Variants in PCDHGA9 observed in about 807,000 individuals in gnomAD.
PCDHGA9 encodes the protein protocadherin gamma subfamily A, 9.
Under a neutral mutation model 62.5 loss-of-function variants are expected in PCDHGA9, and 37 were observed. The ratio of observed to expected loss-of-function variants is 0.59; its 90% CI spans 0.46 to 0.78. PCDHGA9 has a LOEUF of 0.78. Ranked by LOEUF, PCDHGA9 falls within the 30% of genes least tolerant of loss-of-function variation. The pLI, the probability that PCDHGA9 is intolerant of heterozygous loss-of-function variation, is 0.00. For synonymous variants in PCDHGA9, 459 were observed against 484.6 expected, an observed-to-expected ratio of 0.95 and a Z score of 0.69; for missense variants, 1,138 against 1,166.2, an observed-to-expected ratio of 0.98 and a Z score of 0.35.
Position 141,490,721 on chromosome 5 carries a change from T to C in PCDHGA9, c.2425-4086T>C, listed in dbSNP as rs779242781. On this transcript the variant is annotated intron_variant, in intron 1 of 3. Coordinates refer to ENST00000573521, the MANE Select transcript of PCDHGA9 (RefSeq NM_018921.3). This position sits in a 1 kb window ranked among gnomAD's most constrained non-coding sequence, Gnocchi z 5.4. The stretch of plus-strand genomic sequence containing the variant: ...AATGCCCGCCTCACCTACTCCATTG[T>C]AGGAAATCAGGTTCAGGGAGCCCCA... 23 of 1,614,056 alleles carry C rather than the reference T, an allele frequency of 1.4e-5. No individual in the cohort carries two copies. The highest frequency in any genetic ancestry group is 6.6e-5 in the South Asian group (6 of 91,080).
At chr5:141,426,507 C>G in intron 1 of PCDHGA9, 1 of 342,512 alleles carries the variant, frequency 2.9e-6, no homozygotes, top group Non-Finnish European at 5.8e-6. Context: ...AGAAACAATA[C>G]TTTACCGTGA....
chr5:141,403,476 A>G lies in PCDHGA9; in HGVS notation c.524A>G (p.Asn175Ser), dbSNP rs1258805283. The G allele has an allele frequency of 5.6e-6, 9 of 1,613,972 alleles. No homozygotes were observed. In the Admixed American group the frequency reaches 8.3e-5, roughly 15 times the overall value. The change falls in exon 1 of 4, where the codon AAT becomes AGT. Residue 175 changes from asparagine to serine, a missense_variant. Coordinates refer to ENST00000573521, the MANE Select transcript of PCDHGA9 (RefSeq NM_018921.3). ...NSLQSYQLSP[N>S]HHFSLNVQTG... ...CTCCAGAGCTACCAGCTCAGCCCCA[A>G]TCACCACTTCTCCCTGAACGTGCAG...
intron 1 of PCDHGA9, among the ~76,000 whole-genome samples, chr5:141,449,909 A>G (rs2098658849): frequency 6.6e-6 from 1 of 151,828 alleles, no homozygotes; most frequent in Non-Finnish European, 1.5e-5. Context: ...TATAGTCCAT[A>G]TTTAAATTCT....
intron 1 of PCDHGA9, chr5:141,419,105 C>G: frequency 6.2e-7 from 1 of 1,613,918 alleles, no homozygotes; most frequent in Non-Finnish European, 8.5e-7. Context: ...GGAGCAGACC[C>G]CAGAGTACAA....
intron 3 of PCDHGA9, among the ~76,000 whole-genome samples, chr5:141,510,531 T>C (rs1459536719): frequency 6.6e-6 from 1 of 152,078 alleles, no homozygotes; most frequent in Non-Finnish European, 1.5e-5. Context: ...CTGAGAGAAA[T>C]ACCAGCGAAT....
At chr5:141,478,339 C>A in intron 1 of PCDHGA9, 1 of 1,613,918 alleles carries the variant, frequency 6.2e-7, no homozygotes, top group Admixed American at 1.7e-5. Flanking sequence ...CAGGGCCCTC[C>A]TTGCACGCGG....
Position 141,491,954 on chromosome 5 carries a change from C to A in PCDHGA9, c.2425-2853C>A. ...TGGGACCGACCCCCACCCCTACACT[C>A]AAAAAAGGCCGGGGCCTCCTTCGAG... On this transcript the variant is annotated intron_variant, in intron 1 of 3. Transcript: ENST00000573521. This position sits in a 1 kb window ranked among gnomAD's most constrained non-coding sequence, Gnocchi z 6.9. The A allele has an allele frequency of 9.7e-7, 1 of 1,032,914 alleles. No individual in the cohort carries two copies. Among genetic ancestry groups the A allele is most frequent in the Non-Finnish European group, 1.3e-6 (1 of 747,256 alleles). The allele number at this position is 1,032,914 out of a possible 1,614,324, so 64.0% of individuals were successfully genotyped here.
At chr5:141,508,681 C>T (rs970069) in intron 3 of PCDHGA9, among the ~76,000 whole-genome samples, 26,289 of 151,984 alleles carry the variant, frequency 0.17, 2,539 homozygotes, top group Admixed American at 0.29. Flanking sequence ...CTCCCTTCTC[C>T]CTGCTTCTCC....
intron 2 of PCDHGA9, among the ~76,000 whole-genome samples, chr5:141,497,023 G>A (rs1271608156): frequency 1.3e-5 from 2 of 151,912 alleles, no homozygotes; most frequent in Non-Finnish European, 2.9e-5. Flanking sequence ...ACCCCATCTC[G>A]ATTAAAAATA....
chr5:141,419,763 A>T, intron 1 of PCDHGA9: 1 of 1,614,014 alleles, frequency 6.2e-7, no homozygotes, highest in South Asian at 1.1e-5. Flanking sequence ...TTGGGTGACA[A>T]GGACTCGGTC....
At chr5:141,422,664 C>T (rs2096662670) in intron 1 of PCDHGA9, 4 of 1,608,458 alleles carry the variant, frequency 2.5e-6, no homozygotes, top group Non-Finnish European at 3.4e-6. Flanking sequence ...CCGCCCTCGA[C>T]CCGGACAGCA....
At chr5:141,464,400 G>GAGATATATATATATCTATATATAT (rs2099082782) in intron 1 of PCDHGA9, among the ~76,000 whole-genome samples, 3 of 151,366 alleles carry the variant, frequency 2.0e-5, no homozygotes, top group African/African-American at 4.9e-5. Context: ...TGAAGAACCT[G>GAGATATATATATATCTATATATAT]AGATATATAT....
rs1265422100 is a variant in PCDHGA9 at position 141,490,199 on chromosome 5, C to A, written c.2425-4608C>A. On this transcript the variant is annotated intron_variant, in intron 1 of 3. Transcript: ENST00000573521. This position sits in a 1 kb window ranked among gnomAD's most constrained non-coding sequence, Gnocchi z 5.4. The stretch of plus-strand genomic sequence containing the variant: ...GAGTCACGTTTCTATGAAATTCATG[C>A]AAGAGCCCGTGACCAGGGACAGCCT... The A allele has an allele frequency of 1.9e-6, 3 of 1,614,184 alleles. No homozygotes were observed. The highest frequency in any genetic ancestry group is 2.5e-6 in the Non-Finnish European group (3 of 1,180,024).
intron 1 of PCDHGA9, chr5:141,421,344 G>A: frequency 6.2e-7 from 1 of 1,613,976 alleles, no homozygotes; most frequent in Non-Finnish European, 8.5e-7. Context: ...TGCCAGAAGA[G>A]ACCGAAAAGG....
chr5:141,507,206 G>A (rs1392293998), intron 3 of PCDHGA9: 2 of 152,376 alleles, frequency 1.3e-5, no homozygotes, highest in African/African-American at 4.8e-5. Flanking sequence ...CCAGATCAGG[G>A]TTGCCAGATA....
intron 2 of PCDHGA9, among the ~76,000 whole-genome samples, chr5:141,496,103 C>T (rs779317844): frequency 2.0e-5 from 3 of 152,218 alleles, no homozygotes; most frequent in South Asian, 2.1e-4. Flanking sequence ...ACCAACACCC[C>T]GCTCTCTTCC....
Position 141,423,666 on chromosome 5 carries a change from AT to A in PCDHGA9, c.2424+18293del, listed in dbSNP as rs1184681047. 2.7e-6 allele frequency: 4 copies of A among 1,494,382 alleles called. No individual in the cohort carries two copies. The South Asian group carries it at 5.0e-5, about 19-fold the overall frequency. The allele number at this position is 1,494,382 out of a possible 1,614,324, so 92.6% of individuals were successfully genotyped here. A position where few individuals can be genotyped will look rare whatever the true frequency, so the allele number is the denominator to read the frequency against. ...GTGACCCGACAAGTAATCAGGTGAGATTTATTTCTCTGCCTCCTAATTGTTG... is the reference window on the plus strand; with the variant it reads ...GTGACCCGACAAGTAATCAGGTGAGATTATTTCTCTGCCTCCTAATTGTTG... On this transcript the variant is annotated intron_variant, in intron 1 of 3. Coordinates refer to ENST00000573521, the MANE Select transcript of PCDHGA9 (RefSeq NM_018921.3).
chr5:141,439,579 G>A (rs980322898), intron 1 of PCDHGA9, among the ~76,000 whole-genome samples: 6 of 152,148 alleles, frequency 3.9e-5, no homozygotes, highest in African/African-American at 1.4e-4. Context: ...GGGACTCAGA[G>A]TGCCACTGTT....
intron 2 of PCDHGA9, among the ~76,000 whole-genome samples, chr5:141,504,748 T>A (rs979724181): frequency 7.2e-5 from 11 of 151,880 alleles, no homozygotes; most frequent in Non-Finnish European, 1.3e-4. Context: ...CCATTGAATT[T>A]TAGAAATTTC....
Sources: gnomAD v4.1 joint callset for allele counts (sites outside exome capture counted in the v4.1 genomes callset) on GRCh38, gnomAD v4.1.1 for gene constraint, Gnocchi (gnomAD v3.1) non-coding constraint, MANE v1.5 for transcripts, NCBI Gene and HGNC (gene_info 2026-07-23, HGNC 2026-07-21) for gene names.